The following AARS2 variants were observed in gnomAD, a reference collection of about 807,000 sequenced individuals.
AARS2 encodes the protein alanyl-tRNA synthetase 2, mitochondrial.
A neutral mutation model predicts 119.7 loss-of-function variants in AARS2; 78 were observed. The observed-to-expected ratio is 0.65, with a 90% CI of 0.54 to 0.79. The LOEUF is 0.79. AARS2 is among the 30% of genes least tolerant of loss of function. The pLI is 0.00. For missense variants in AARS2, 1,157 were observed against 1,291.3 expected, an observed-to-expected ratio of 0.90 and a Z score of 1.59; for synonymous variants, 502 against 526.3, an observed-to-expected ratio of 0.95 and a Z score of 0.63.
intron 9 of AARS2, 149 bp downstream of exon 9, chr6:44,306,130 TG>T: frequency 1.2e-6 from 1 of 807,196 alleles, no homozygotes. Flanking sequence ...CAGAGGGGTC[TG>T]GGTATGGAAG....
Position 44,312,145 on chromosome 6 carries a change from A to G in AARS2, c.362T>C (p.Val121Ala), listed in dbSNP as rs1348364566. 2 of 1,614,124 alleles carry G rather than the reference A, an allele frequency of 1.2e-6. No homozygotes were observed. Among genetic ancestry groups the G allele is most frequent in the Non-Finnish European group, 1.7e-6 (2 of 1,180,054 alleles). The change falls in exon 2 of 22, where the codon GTG (valine) becomes GCG (alanine). Residue 121 changes from valine (V) to alanine (A), a missense_variant. By Grantham distance (64) the Val-to-Ala change is moderately conservative (BLOSUM62 0). Transcript: ENST00000244571. ...GGTATGATGGGAAAGGTCTCGACCCACATCTTCCAGGTCGTTATGGTGTCC... is the reference window on the plus strand; with the variant it reads ...GGTATGATGGGAAAGGTCTCGACCCGCATCTTCCAGGTCGTTATGGTGTCC... ...AGGHHNDLED[V>A]GRDLSHHTFF...
chr6:44,302,858 G>A lies in AARS2; in HGVS notation c.2308C>T (p.Gln770Ter), dbSNP rs747313011. The A allele has an allele frequency of 1.5e-5, 25 of 1,614,132 alleles. No individual in the cohort carries two copies. The highest frequency in any genetic ancestry group is 2.1e-5 in the Non-Finnish European group (25 of 1,180,032). Residue 770 changes from glutamine (Q) to a stop codon, truncating the protein, a stop_gained, in exon 17 of 22, where the codon CAG becomes TAG. Coordinates refer to ENST00000244571, the MANE Select transcript of AARS2 (RefSeq NM_020745.4). LOFTEE classifies it high-confidence loss of function. ...AGGCGGGTAGTGCCCTTGGAAAGCT[G>A]GCGGTCCCCGATGATAACCAGGTCC... ...VGDLVIIGDR[Q>*]LSKGTTRLLA...
At chr6:44,306,662 A>C in intron 7 of AARS2, 130 bp from the exon 8 acceptor site, 1 of 1,172,666 alleles carries the variant, frequency 8.5e-7, no homozygotes. Flanking sequence ...AGAGGGACTC[A>C]AATGGGGAAC....
chr6:44,305,846 A>G lies in AARS2; in HGVS notation c.1301-60T>C, dbSNP rs566211267. Reference sequence around the variant, plus strand: ...GGAGGGATTAGACAAAGAAGGGGAGAAAAATAAGGTCCAGGGCCCTTCTAA... The same window carrying G: ...GGAGGGATTAGACAAAGAAGGGGAGGAAAATAAGGTCCAGGGCCCTTCTAA... On this transcript the variant is annotated intron_variant, in intron 9 of 21. Coordinates refer to ENST00000244571, the MANE Select transcript of AARS2 (RefSeq NM_020745.4). The surrounding 1 kb of genome is among the most constrained non-coding windows in gnomAD (Gnocchi z 4.6). 6.5e-5 allele frequency: 104 copies of G among 1,602,854 alleles called. No individual in the cohort carries two copies. In the South Asian group the frequency reaches 7.4e-4, roughly 11 times the overall value.
At position 44,299,594 on chromosome 6, in the gene AARS2, C is replaced by G. The variant is rs1785195209; in HGVS notation, c.*953G>C. ...TCTTTTGCTTTATTTCCTGTTTCCT[C>G]CACATGAAGCAGGCTCCATGAAGGA... is the stretch of plus-strand genomic sequence containing the variant. On this transcript the variant is annotated 3_prime_UTR_variant, in exon 22 of 22. Coordinates refer to ENST00000244571, the MANE Select transcript of AARS2 (RefSeq NM_020745.4). 1 of 152,114 alleles carries G rather than the reference C, an allele frequency of 6.6e-6. No individual in the cohort carries two copies. The highest frequency in any genetic ancestry group is 2.4e-5 in the African/African-American group (1 of 41,420). 9.4% of individuals were successfully genotyped at this position (152,114 alleles called of 1,614,324 possible). A position where few individuals can be genotyped will look rare whatever the true frequency, so the allele number is the denominator to read the frequency against.
rs779476991 is a variant in AARS2, at chr6:44,307,436, G to GC, written c.895-43dup. ...TCAGCCAGTGGCCCTGCCTGACCTG[G>GC]CCCAGGTGGGTGCTCTTTATCGCCT... On this transcript the variant is annotated intron_variant, in intron 5 of 21. Coordinates refer to ENST00000244571, the MANE Select transcript of AARS2 (RefSeq NM_020745.4). This position sits in a 1 kb window ranked among gnomAD's most constrained non-coding sequence, Gnocchi z 4.4. 34 of 1,564,602 alleles carry GC rather than the reference G, an allele frequency of 2.2e-5. No homozygotes were observed. Among genetic ancestry groups the GC allele is most frequent in the East Asian group, 1.4e-4 (6 of 43,036 alleles).
rs772630843 is a variant in AARS2 at position 44,311,073 on chromosome 6, T to C, written c.670A>G (p.Ile224Val). 6.2e-7 allele frequency: 1 copy of C among 1,613,974 alleles called. No homozygotes were observed. The highest frequency in any genetic ancestry group is 8.5e-7 in the Non-Finnish European group (1 of 1,180,016). ...ACCCCACCAGCAAGGTCGTAGTGGA[T>C]CTCAGTACAGGGCCCACAAGGGCCA... ...DTGPCGPCTE[I>V]HYDLAGGVGA... The change falls in exon 4 of 22, where the codon ATC becomes GTC. Residue 224 changes from isoleucine (I) to valine (V), a missense_variant. Transcript: ENST00000244571.
rs1279652410 is a variant in AARS2, at chr6:44,304,239, G to A, written c.1949C>T (p.Thr650Ile). The A allele has an allele frequency of 2.5e-6, 4 of 1,614,068 alleles. No individual in the cohort carries two copies. The highest frequency in any genetic ancestry group is 3.4e-6 in the Non-Finnish European group (4 of 1,180,044). Residue 650 changes from threonine (T) to isoleucine (I), a missense_variant, in exon 14 of 22, where the codon ACA (threonine) becomes ATA (isoleucine). By Grantham distance (89) the Thr-to-Ile change is moderately conservative. Transcript: ENST00000244571. ...ATTGAGATGGGAGCCCTGCTGCTCTGTGCCAGGGCCCAGGGTCTGCCTCAG... is the reference window on the plus strand; with the variant it reads ...ATTGAGATGGGAGCCCTGCTGCTCTATGCCAGGGCCCAGGGTCTGCCTCAG... ...WALRQTLGPG[T>I]EQQGSHLNPE...
At chr6:44,301,495 C>G in intron 19 of AARS2, 31 bp from the exon 20 acceptor site, 1 of 1,592,318 alleles carries the variant, frequency 6.3e-7, no homozygotes, top group Non-Finnish European at 8.6e-7. Flanking sequence ...GCAGAGGGGT[C>G]AGGCTGAGAG....
In AARS2 at chr6:44,299,534, G is replaced by A. The variant is rs1337856949; in HGVS notation, c.*1013C>T. 6.6e-6 allele frequency: 1 copy of A among 151,894 alleles called. No individual in the cohort carries two copies. The highest frequency in any genetic ancestry group is 1.5e-5 in the Non-Finnish European group (1 of 67,984). 9.4% of individuals were successfully genotyped at this position (151,894 alleles called of 1,614,324 possible). A position where few individuals can be genotyped will look rare whatever the true frequency, so the allele number is the denominator to read the frequency against. On this transcript the variant is annotated 3_prime_UTR_variant, in exon 22 of 22. Transcript: ENST00000244571. ...CCAACCTCAGCCTCCTAAAATGCCA[G>A]GATTATAGGCATGAGCCACCAAGCC... is the stretch of plus-strand genomic sequence containing the variant.
In AARS2 at chr6:44,307,131, G is replaced by A; in HGVS notation, c.1041-100C>T. 2.5e-6 allele frequency: 4 copies of A among 1,587,916 alleles called. No homozygotes were observed. The highest frequency in any genetic ancestry group is 3.4e-6 in the Non-Finnish European group (4 of 1,162,120). ...GTCCAGTGTGTGCTCCCACCTCAAA[G>A]CTCTCCCTCTCCCCATTCCTCCTAC... On this transcript the variant is annotated intron_variant, in intron 6 of 21. Coordinates refer to ENST00000244571, the MANE Select transcript of AARS2 (RefSeq NM_020745.4). The surrounding 1 kb of genome is among the most constrained non-coding windows in gnomAD (Gnocchi z 4.4).
chr6:44,308,124 T>A (rs1048582404), intron 5 of AARS2, among the ~76,000 whole-genome samples: 1 of 152,198 alleles, frequency 6.6e-6, no homozygotes, highest in African/African-American at 2.4e-5. Context: ...ACTGCTATTA[T>A]CCGAAGCATG....
rs758937681 is a variant in AARS2 at position 44,313,082 on chromosome 6, T to A, written c.242A>T (p.Gln81Leu). The A allele has an allele frequency of 1.9e-6, 3 of 1,613,262 alleles. No homozygotes were observed. The Admixed American group carries it at 5.0e-5, about 27-fold the overall frequency. The change falls in exon 1 of 22, where the codon CAG (glutamine) becomes CTG (leucine). Residue 81 changes from glutamine (Q) to leucine (L), a missense_variant and splice_region_variant. Gln to Leu is a moderately radical substitution (Grantham distance 113). Transcript: ENST00000244571. ...SLLFVNAGMN[Q>L]FKPIFLGTVD... ...CTATCAGTATGGTTCGGCCCTCACC[T>A]GGTTCATGCCCGCATTGACAAAAAG...
rs546252425 is a variant in AARS2 at position 44,302,565 on chromosome 6, G to A, written c.2365-52C>T. ...GATTACATTCATCTCCCCAGGACAA[G>A]GCCTCTCAACTCATTACTGGTCAGG... On this transcript the variant is annotated intron_variant, in intron 17 of 21. Transcript: ENST00000244571. The A allele has an allele frequency of 4.3e-6, 7 of 1,612,106 alleles. No individual in the cohort carries two copies. The East Asian group carries it at 1.6e-4, about 36-fold the overall frequency.
chr6:44,300,519 T>C lies in AARS2; in HGVS notation c.*28A>G. On this transcript the variant is annotated 3_prime_UTR_variant, in exon 22 of 22. Transcript: ENST00000244571. ...TCAGGGCTCCTGGCATTGCCTTTAG[T>C]CCATGTGGGTCCCTGGGCGGACCTG... 6.2e-7 allele frequency: 1 copy of C among 1,613,766 alleles called. No individual in the cohort carries two copies. Among genetic ancestry groups the C allele is most frequent in the Non-Finnish European group, 8.5e-7 (1 of 1,180,008 alleles).
chr6:44,311,376 G>T lies in AARS2; in HGVS notation c.581+14C>A, dbSNP rs919803283. ...TGACCTCCAGGAATGAACATAAGAA[G>T]GGGGCTGACTTACCCTAAGCTCAGC... On this transcript the variant is annotated intron_variant, in intron 3 of 21. Transcript: ENST00000244571. The T allele has an allele frequency of 1.2e-6, 2 of 1,614,036 alleles. No individual in the cohort carries two copies. The highest frequency in any genetic ancestry group is 2.7e-5 in the African/African-American group (2 of 74,908).
rs1785489983 is a variant in AARS2 at position 44,303,004 on chromosome 6, A to T, written c.2255+62T>A. ...TCCCATTAAGGGCTGATGGCTCCAAAGACCAAGGGAAGGGCAAGGATCCGG... is the reference window on the plus strand; with the variant it reads ...TCCCATTAAGGGCTGATGGCTCCAATGACCAAGGGAAGGGCAAGGATCCGG... On this transcript the variant is annotated intron_variant, in intron 16 of 21. Coordinates refer to ENST00000244571, the MANE Select transcript of AARS2 (RefSeq NM_020745.4). The T allele has an allele frequency of 1.9e-6, 3 of 1,607,640 alleles. No homozygotes were observed. The Admixed American group carries it at 5.0e-5, about 27-fold the overall frequency.
In AARS2 at chr6:44,300,657, T is replaced by C; in HGVS notation, c.2848A>G (p.Met950Val). ...CGTGAGCCCCACGCCTTGCCCCCCA[T>C]GTGGCTGCACACTGCCAGTGCCCAG... ...EAWALAVCSHMGGKAWGSRVV... is the reference protein window; with the variant it reads ...EAWALAVCSHVGGKAWGSRVV... The change falls in exon 22 of 22, where the codon ATG becomes GTG. Residue 950 changes from methionine to valine, a missense_variant. Transcript: ENST00000244571. 3.1e-6 allele frequency: 5 copies of C among 1,613,818 alleles called. No homozygotes were observed. Among genetic ancestry groups the C allele is most frequent in the Non-Finnish European group, 4.2e-6 (5 of 1,180,024 alleles).
chr6:44,303,147 G>A lies in AARS2; in HGVS notation c.2174C>T (p.Ser725Leu). The A allele has an allele frequency of 6.2e-7, 1 of 1,614,192 alleles. No homozygotes were observed. The highest frequency in any genetic ancestry group is 8.5e-7 in the Non-Finnish European group (1 of 1,180,042). ...TGCATGGGCCACGGGCACCCCCACT[G>A]ATACCACCCGCACAGGGTCTGGGTA... is the stretch of plus-strand genomic sequence containing the variant. ...EVYPDPVRVV[S>L]VGVPVAHALD... The change falls in exon 16 of 22, where the codon TCA (serine) becomes TTA (leucine). Residue 725 changes from serine to leucine, a missense_variant. Coordinates refer to ENST00000244571, the MANE Select transcript of AARS2 (RefSeq NM_020745.4).
Sources: allele counts gnomAD v4.1 joint callset (sites outside exome capture counted in the v4.1 genomes callset), GRCh38; gene constraint gnomAD v4.1.1; non-coding constraint Gnocchi (gnomAD v3.1); transcripts MANE v1.5; gene names NCBI Gene and HGNC (gene_info 2026-07-23, HGNC 2026-07-21).